The following PATJ variants were observed in gnomAD, a reference collection of about 807,000 sequenced individuals.
PATJ encodes the protein inaD-like protein.
A neutral mutation model predicts 224.9 loss-of-function variants in PATJ; 190 were observed. That is an observed-to-expected ratio of 0.84 (90% confidence interval 0.75 to 0.95). The LOEUF (loss-of-function observed/expected upper bound fraction) is 0.95. Among genes scored for constraint, PATJ ranks in the 40% least tolerant of loss-of-function variants. PATJ has a pLI of 0.00. For synonymous variants in PATJ, 769 were observed against 820.3 expected, an observed-to-expected ratio of 0.94 and a Z score of 1.07; for missense variants, 2,121 against 2,270.3, an observed-to-expected ratio of 0.93 and a Z score of 1.34.
chr1:61,979,104 C>T (rs1169779935), intron 27 of PATJ, among the ~76,000 whole-genome samples: 1 of 152,056 alleles, frequency 6.6e-6, no homozygotes, highest in Non-Finnish European at 1.5e-5. Context: ...CATGAGTGTT[C>T]AGCTGCATCA....
chr1:62,070,730 A>G (rs1657241030), intron 31 of PATJ, among the ~76,000 whole-genome samples: 1 of 152,142 alleles, frequency 6.6e-6, no homozygotes, highest in South Asian at 2.1e-4. Context: ...TTTCTCATAG[A>G]AGGGGAAAAT....
At chr1:61,787,678 A>G in intron 7 of PATJ, 76 bp from the exon 8 acceptor site, 2 of 1,137,740 alleles carry the variant, frequency 1.8e-6, no homozygotes, top group South Asian at 2.8e-5. Flanking sequence ...GCCAGAGCTG[A>G]AAGTCTGATG....
intron 33 of PATJ, among the ~76,000 whole-genome samples, chr1:62,090,082 A>C (rs1289986197): frequency 6.6e-6 from 1 of 152,134 alleles, no homozygotes; most frequent in Non-Finnish European, 1.5e-5. Flanking sequence ...GTTTCTCTGG[A>C]GCCAAGACAG....
chr1:62,080,961 A>T (rs139988010), intron 32 of PATJ, among the ~76,000 whole-genome samples: 218 of 152,250 alleles, frequency 1.4e-3, no homozygotes, highest in African/African-American at 5.2e-3. Context: ...CACCTAAGAA[A>T]ATTTTATTAA....
At chr1:62,143,117 G>A (rs1372817726) in intron 41 of PATJ, among the ~76,000 whole-genome samples, 1 of 152,084 alleles carries the variant, frequency 6.6e-6, no homozygotes, top group Non-Finnish European at 1.5e-5. Context: ...CAGGGGACTT[G>A]ATGGATTACG....
chr1:62,090,376 C>T (rs150899734), intron 33 of PATJ, among the ~76,000 whole-genome samples: 228 of 152,194 alleles, frequency 1.5e-3, no homozygotes, highest in South Asian at 5.4e-3. Context: ...GTGAGATAAC[C>T]TTGTCCTAGA....
At chr1:61,991,898 A>G (rs1438801746) in intron 28 of PATJ, 1 of 195,988 alleles carries the variant, frequency 5.1e-6, no homozygotes, top group Non-Finnish European at 9.3e-6. Flanking sequence ...AGTTATTGCT[A>G]GCACTGTGCA....
At chr1:61,969,566 T>C (rs1682651498) in intron 27 of PATJ, among the ~76,000 whole-genome samples, 1 of 152,218 alleles carries the variant, frequency 6.6e-6, no homozygotes, top group Non-Finnish European at 1.5e-5. Context: ...AATCAGATTA[T>C]TTGATTTATA....
At chr1:61,793,451 G>A (rs1246271587) in intron 9 of PATJ, among the ~76,000 whole-genome samples, 4 of 152,126 alleles carry the variant, frequency 2.6e-5, no homozygotes, top group Admixed American at 1.3e-4. Context: ...TGTCAAGTGC[G>A]TGCTGCGGAC....
intron 14 of PATJ, among the ~76,000 whole-genome samples, chr1:61,812,468 G>GTGT (rs1213546488): frequency 2.0e-5 from 3 of 147,710 alleles, no homozygotes; most frequent in African/African-American, 5.0e-5. Flanking sequence ...GTGTGTGTGT[G>GTGT]GTGGTATTGG....
At chr1:61,807,832 C>G (rs1196310729) in intron 13 of PATJ, among the ~76,000 whole-genome samples, 1 of 152,182 alleles carries the variant, frequency 6.6e-6, no homozygotes. Context: ...GTTACAGATG[C>G]AAATCATCAG....
intron 22 of PATJ, among the ~76,000 whole-genome samples, chr1:61,895,829 A>G (rs1391824546): frequency 6.6e-6 from 1 of 152,160 alleles, no homozygotes; most frequent in Non-Finnish European, 1.5e-5. Context: ...CAGCTTGCAT[A>G]TGCAGCTGGA....
intron 33 of PATJ, among the ~76,000 whole-genome samples, chr1:62,104,141 G>A (rs1419255578): frequency 6.6e-6 from 1 of 151,926 alleles, no homozygotes; most frequent in Non-Finnish European, 1.5e-5. Flanking sequence ...GGAAGGGAGG[G>A]CGGGTAGGGG....
At chr1:61,753,938 C>T (rs1318905068) in intron 1 of PATJ, among the ~76,000 whole-genome samples, 8 of 151,636 alleles carry the variant, frequency 5.3e-5, no homozygotes, top group East Asian at 1.9e-4. Flanking sequence ...TCAAATACTC[C>T]GTTAATTGGC....
At chr1:62,121,158 T>C in intron 37 of PATJ, 23 bp from the exon 38 acceptor site, 1 of 1,506,772 alleles carries the variant, frequency 6.6e-7, no homozygotes, top group Admixed American at 1.7e-5. Context: ...TGCACACAGG[T>C]GACCCCTGGG....
chr1:61,806,367 TC>T (rs1275203439), intron 13 of PATJ, among the ~76,000 whole-genome samples: 1 of 151,734 alleles, frequency 6.6e-6, no homozygotes, highest in Non-Finnish European at 1.5e-5. Flanking sequence ...CGCCTGTAAT[TC>T]CAGCACTTTG....
chr1:61,885,142 C>A (rs1462192339), intron 22 of PATJ, among the ~76,000 whole-genome samples: 1 of 151,976 alleles, frequency 6.6e-6, no homozygotes, highest in African/African-American at 2.4e-5. Flanking sequence ...TCTAAAACAC[C>A]AAAAGCAATG....
At chr1:61,769,762 C>A (rs1646494279) in intron 5 of PATJ, among the ~76,000 whole-genome samples, 1 of 152,144 alleles carries the variant, frequency 6.6e-6, no homozygotes, top group Non-Finnish European at 1.5e-5. Context: ...CCCTCTCTTA[C>A]AACTGAACAT....
rs1223468691 is a variant in PATJ, at chr1:61,914,160, G to A, written c.3493-427G>A. ...TTAGCTGTTTAAACAAATACATTAA[G>A]GAATGTAATGATAGGCCAGGCTCAG... On this transcript the variant is annotated intron_variant, in intron 25 of 43. Coordinates refer to ENST00000642238, the MANE Select transcript of PATJ (RefSeq NM_001350145.3). Among the ~76,000 whole-genome samples, 3 of 152,152 alleles carry A rather than the reference G, an allele frequency of 2.0e-5. No homozygotes were observed. The South Asian group carries it at 6.2e-4, about 32-fold the overall frequency.
Sources: allele counts gnomAD v4.1 joint callset (sites outside exome capture counted in the v4.1 genomes callset), GRCh38; gene constraint gnomAD v4.1.1; transcripts MANE v1.5; gene names NCBI Gene and HGNC (gene_info 2026-07-23, HGNC 2026-07-21).